The following COL24A1 variants were observed in gnomAD, a reference collection of about 807,000 sequenced individuals.
The protein encoded by COL24A1 is collagen alpha-1(XXIV) chain.
A neutral mutation model predicts 253.9 loss-of-function variants in COL24A1; 224 were observed. That is an observed-to-expected ratio of 0.88 (90% CI 0.79 to 0.99). COL24A1 has a LOEUF of 0.99. Among genes scored for constraint, COL24A1 ranks in the 50% least tolerant of loss-of-function variants. COL24A1 has a pLI of 0.00. For missense variants in COL24A1, 2,131 were observed against 2,068.5 expected (o/e 1.03, Z -0.59); for synonymous variants, 685 against 673.7 (o/e 1.02, Z -0.26).
chr1:86,063,359 C>CTCTG (rs1553121396), intron 8 of COL24A1, among the ~76,000 whole-genome samples: 25 of 117,512 alleles, frequency 2.1e-4, no homozygotes, highest in African/African-American at 8.3e-4. Flanking sequence ...GTCTCTCTCT[C>CTCTG]TGTGTGTGTG....
At chr1:85,748,353 A>G (rs1570443026) in intron 55 of COL24A1, among the ~76,000 whole-genome samples, 1 of 152,348 alleles carries the variant, frequency 6.6e-6, no homozygotes, top group Non-Finnish European at 1.5e-5. Flanking sequence ...TGTGCACTAT[A>G]TGTACTTTAT....
At chr1:86,019,833 C>A (rs1215274169) in intron 18 of COL24A1, among the ~76,000 whole-genome samples, 1 of 151,872 alleles carries the variant, frequency 6.6e-6, no homozygotes, top group Non-Finnish European at 1.5e-5. Context: ...CTCTTGCTCC[C>A]TGCCCTAAAA....
intron 24 of COL24A1, among the ~76,000 whole-genome samples, chr1:85,921,837 G>A (rs1257187428): frequency 6.6e-6 from 1 of 152,208 alleles, no homozygotes; most frequent in Non-Finnish European, 1.5e-5. Flanking sequence ...GATAGAAGTA[G>A]GCTTCAGAAG....
At chr1:85,737,539 T>C in intron 57 of COL24A1, 34 bp from the exon 58 acceptor site, 1 of 1,371,730 alleles carries the variant, frequency 7.3e-7, no homozygotes, top group Non-Finnish European at 1.0e-6. Context: ...AAGTTAAAGT[T>C]ATTAAATGCC....
At chr1:86,075,359 G>A (rs1702174749) in intron 7 of COL24A1, among the ~76,000 whole-genome samples, 1 of 152,044 alleles carries the variant, frequency 6.6e-6, no homozygotes, top group Admixed American at 6.5e-5. Flanking sequence ...TCAAATCCCT[G>A]AATAGATCAA....
chr1:86,113,860 A>AG (rs1457789868), intron 4 of COL24A1, among the ~76,000 whole-genome samples: 2 of 150,622 alleles, frequency 1.3e-5, no homozygotes, highest in African/African-American at 2.4e-5. Flanking sequence ...AAAAAAAAAA[A>AG]AAAGAAAGAA....
intron 57 of COL24A1, among the ~76,000 whole-genome samples, chr1:85,739,801 A>G (rs1384780391): frequency 6.6e-6 from 1 of 151,656 alleles, no homozygotes; most frequent in Admixed American, 6.6e-5. Context: ...ATGATCTTGT[A>G]CCCTCCCCCT....
At chr1:86,059,523 ATCCTACAACAC>A (rs1327804571) in intron 8 of COL24A1, among the ~76,000 whole-genome samples, 2 of 152,162 alleles carry the variant, frequency 1.3e-5, no homozygotes, top group Non-Finnish European at 2.9e-5. Context: ...TGTTTCGATC[ATCCTACAACAC>A]TCCTTAACAG....
At chr1:85,990,438 A>G (rs1163611198) in intron 19 of COL24A1, among the ~76,000 whole-genome samples, 1 of 152,118 alleles carries the variant, frequency 6.6e-6, no homozygotes, top group Admixed American at 6.5e-5. Context: ...GATCCCTCAC[A>G]CGTGCAGTTC....
chr1:86,089,548 G>C (rs1571882913), intron 6 of COL24A1, among the ~76,000 whole-genome samples: 1 of 152,304 alleles, frequency 6.6e-6, no homozygotes. Context: ...GGCTGGGCGC[G>C]GTGGCCCAGG....
At chr1:86,089,894 T>G (rs1350659479) in intron 6 of COL24A1, among the ~76,000 whole-genome samples, 1 of 152,202 alleles carries the variant, frequency 6.6e-6, no homozygotes, top group Admixed American at 6.5e-5. Context: ...GAAACAGCTG[T>G]TGAGGTGTCA....
intron 6 of COL24A1, 116 bp from the exon 7 acceptor site, chr1:86,089,343 A>G (rs1016745260): frequency 6.2e-6 from 5 of 808,748 alleles, no homozygotes; most frequent in African/African-American, 5.4e-5. Context: ...ATCATTTCCA[A>G]TCTTCACAAT....
intron 3 of COL24A1, among the ~76,000 whole-genome samples, chr1:86,123,260 ATAAC>A (rs541494874): frequency 5.5e-4 from 83 of 152,084 alleles, no homozygotes; most frequent in African/African-American, 1.9e-3. Flanking sequence ...AGCCTAGGTC[ATAAC>A]TAACTTTGTC....
At chr1:85,743,308 C>T (rs1242118447) in intron 57 of COL24A1, among the ~76,000 whole-genome samples, 2 of 152,136 alleles carry the variant, frequency 1.3e-5, no homozygotes, top group Admixed American at 6.5e-5. Context: ...GCTAGGTATA[C>T]TCAAAGACTC....
At chr1:86,109,318 G>A (rs1705311191) in intron 5 of COL24A1, among the ~76,000 whole-genome samples, 1 of 8,384 alleles carries the variant, frequency 1.2e-4, no homozygotes, top group Non-Finnish European at 1.7e-3. Flanking sequence ...TTCAACACAG[G>A]TGAGAAATTT....
At chr1:86,001,591 T>C (rs1695413211) in intron 19 of COL24A1, among the ~76,000 whole-genome samples, 1 of 152,230 alleles carries the variant, frequency 6.6e-6, no homozygotes, top group Admixed American at 6.5e-5. Context: ...GAAAGAGGAA[T>C]ACATTGCAGT....
intron 22 of COL24A1, among the ~76,000 whole-genome samples, chr1:85,969,814 T>A (rs1177778999): frequency 6.6e-6 from 1 of 151,970 alleles, no homozygotes; most frequent in African/African-American, 2.4e-5. Flanking sequence ...AACAAATAAT[T>A]AACATATTAC....
chr1:85,948,340 C>T (rs1188135533), intron 24 of COL24A1, among the ~76,000 whole-genome samples: 6 of 151,146 alleles, frequency 4.0e-5, no homozygotes, highest in Middle Eastern at 3.2e-3. Flanking sequence ...CTGGCTAACA[C>T]GGTGAAACCC....
intron 9 of COL24A1, 84 bp from the exon 10 acceptor site, chr1:86,058,059 G>C (rs1230928117): frequency 1.1e-5 from 12 of 1,068,228 alleles, no homozygotes; most frequent in Non-Finnish European, 1.6e-5. Context: ...GCCATATAAA[G>C]AGCTATCATT....
Sources: gnomAD v4.1 joint callset for allele counts (sites outside exome capture counted in the v4.1 genomes callset) on GRCh38, gnomAD v4.1.1 for gene constraint, MANE v1.5 for transcripts, NCBI Gene and HGNC (gene_info 2026-07-23, HGNC 2026-07-21) for gene names.